The following SGCZ variants were observed in gnomAD, a reference collection of about 807,000 sequenced individuals.
SGCZ encodes zeta-sarcoglycan.
A neutral mutation model predicts 41.3 loss-of-function variants in SGCZ; 40 were observed. The ratio of observed to expected loss-of-function variants is 0.97; its 90% CI spans 0.75 to 1.26. The LOEUF (loss-of-function observed/expected upper bound fraction) is 1.26, where lower values mean the gene tolerates loss of function less well. SGCZ is among the 50% of genes most tolerant of loss of function. The probability of loss-of-function intolerance (pLI) is 0.00; values close to 1 mark genes in which losing one functional copy is unlikely to be tolerated. For missense variants in SGCZ, 552 were observed against 369.8 expected, an observed-to-expected ratio of 1.49 and a Z score of -4.04; for synonymous variants, 206 against 137.5, an observed-to-expected ratio of 1.50 and a Z score of -3.49.
At chr8:15,039,499 A>T (rs1415225888) in intron 1 of SGCZ, among the ~76,000 whole-genome samples, 3 of 152,188 alleles carry the variant, frequency 2.0e-5, no homozygotes, top group Non-Finnish European at 4.4e-5. Flanking sequence ...AAATCAAAGG[A>T]TGCAAAATGT....
At chr8:14,972,251 G>A (rs972385005) in intron 1 of SGCZ, among the ~76,000 whole-genome samples, 2 of 149,576 alleles carry the variant, frequency 1.3e-5, no homozygotes, top group African/African-American at 5.1e-5. Context: ...TTTCCTGTCT[G>A]TAATACCTGT....
At chr8:14,366,759 AG>A (rs1248843634) in intron 2 of SGCZ, among the ~76,000 whole-genome samples, 1 of 152,140 alleles carries the variant, frequency 6.6e-6, no homozygotes. Context: ...AGTAAAGACA[AG>A]GCAAGTCCCT....
At chr8:14,390,252 A>C (rs568268067) in intron 2 of SGCZ, among the ~76,000 whole-genome samples, 1 of 152,036 alleles carries the variant, frequency 6.6e-6, no homozygotes. Context: ...GGCATATAGA[A>C]AGGGCAATAA....
chr8:15,015,589 G>C (rs1197229993), intron 1 of SGCZ, among the ~76,000 whole-genome samples: 2 of 149,334 alleles, frequency 1.3e-5, no homozygotes, highest in Non-Finnish European at 3.0e-5. Context: ...CGGAGAGGCT[G>C]AGGCAGGAGA....
At chr8:14,594,404 T>C (rs572710461) in intron 1 of SGCZ, among the ~76,000 whole-genome samples, 1 of 152,036 alleles carries the variant, frequency 6.6e-6, no homozygotes, top group Admixed American at 6.6e-5. Flanking sequence ...TCTGGGTTCA[T>C]ATAATATTTC....
chr8:14,591,616 G>A (rs998377220), intron 1 of SGCZ, among the ~76,000 whole-genome samples: 8 of 152,010 alleles, frequency 5.3e-5, no homozygotes, highest in African/African-American at 1.9e-4. Context: ...TTATGCAAAC[G>A]TTATTGATAA....
intron 4 of SGCZ, among the ~76,000 whole-genome samples, chr8:14,191,001 A>C (rs113458387): frequency 3.3e-5 from 5 of 152,318 alleles, no homozygotes; most frequent in African/African-American, 1.2e-4. Flanking sequence ...CATCCTCGTC[A>C]ACACCTGTAA....
At chr8:14,528,837 ACAAAAC>A (rs1379292224) in intron 2 of SGCZ, among the ~76,000 whole-genome samples, 9 of 145,728 alleles carry the variant, frequency 6.2e-5, no homozygotes, top group Admixed American at 1.4e-4. Flanking sequence ...CAAAAAAAAA[ACAAAAC>A]AAAAACAAAA....
chr8:14,552,869 T>A (rs1258765957), intron 2 of SGCZ, among the ~76,000 whole-genome samples: 1 of 151,994 alleles, frequency 6.6e-6, no homozygotes, highest in Non-Finnish European at 1.5e-5. Flanking sequence ...ATTCCTGGGG[T>A]TTAGTCATTG....
At chr8:14,718,225 T>C (rs1809757202) in intron 1 of SGCZ, among the ~76,000 whole-genome samples, 1 of 151,948 alleles carries the variant, frequency 6.6e-6, no homozygotes, top group Non-Finnish European at 1.5e-5. Context: ...GGTTTTTCTT[T>C]TGAAAGTGAA....
chr8:14,639,418 C>T (rs1477234938), intron 1 of SGCZ, among the ~76,000 whole-genome samples: 1 of 151,572 alleles, frequency 6.6e-6, no homozygotes, highest in East Asian at 1.9e-4. Context: ...TATTCTTTAA[C>T]AAGAGGGATA....
intron 4 of SGCZ, among the ~76,000 whole-genome samples, chr8:14,208,458 GA>G (rs961913568): frequency 2.6e-4 from 40 of 151,766 alleles, no homozygotes; most frequent in African/African-American, 9.7e-4. Flanking sequence ...AACCAAAAAG[GA>G]AAAAAGAAAA....
At chr8:14,631,484 T>C (rs1585139702) in intron 1 of SGCZ, among the ~76,000 whole-genome samples, 2 of 152,192 alleles carry the variant, frequency 1.3e-5, no homozygotes, top group East Asian at 3.9e-4. Flanking sequence ...CTTCAAGTCA[T>C]GGCTTCCCCT....
chr8:14,627,657 T>C (rs1563163561), intron 1 of SGCZ, among the ~76,000 whole-genome samples: 3 of 152,170 alleles, frequency 2.0e-5, no homozygotes, highest in African/African-American at 4.8e-5. Context: ...AATATTCTCA[T>C]TTTAATTTCT....
chr8:14,176,633 G>GT (rs1442327166), intron 4 of SGCZ, among the ~76,000 whole-genome samples: 5 of 152,152 alleles, frequency 3.3e-5, no homozygotes, highest in African/African-American at 9.7e-5. Context: ...AATGTATGCA[G>GT]TATAAACTCT....
chr8:14,989,313 C>A (rs192200235), intron 1 of SGCZ, among the ~76,000 whole-genome samples: 1 of 152,052 alleles, frequency 6.6e-6, no homozygotes, highest in Non-Finnish European at 1.5e-5. Context: ...TCCCCAACAA[C>A]GTACCAGAAA....
At chr8:14,686,240 G>C (rs1427292044) in intron 1 of SGCZ, among the ~76,000 whole-genome samples, 2 of 151,962 alleles carry the variant, frequency 1.3e-5, no homozygotes, top group African/African-American at 2.4e-5. Flanking sequence ...CCCTGATCAG[G>C]TTATAGAAAG....
chr8:14,361,849 C>A (rs1037723255), intron 2 of SGCZ, among the ~76,000 whole-genome samples: 3 of 152,122 alleles, frequency 2.0e-5, no homozygotes, highest in African/African-American at 7.2e-5. Context: ...TGTTGGTGAC[C>A]TACAGATGGG....
At chr8:15,071,914 C>T (rs1805365107) in intron 1 of SGCZ, among the ~76,000 whole-genome samples, 1 of 152,116 alleles carries the variant, frequency 6.6e-6, no homozygotes, top group South Asian at 2.1e-4. Context: ...CAGTGGGGAA[C>T]TATAATAGTC....
Sources: gnomAD v4.1 joint callset for allele counts (sites outside exome capture counted in the v4.1 genomes callset) on GRCh38, gnomAD v4.1.1 for gene constraint, MANE v1.5 for transcripts, NCBI Gene and HGNC (gene_info 2026-07-23, HGNC 2026-07-21) for gene names.